GABRA2: variants seen among roughly 807,000 people sequenced by gnomAD.
The protein encoded by GABRA2 is gamma-aminobutyric acid type A receptor subunit alpha2, also known as gamma-aminobutyric acid receptor subunit alpha-2.
In GABRA2, 16 loss-of-function variants were observed where a neutral mutation model predicts 48.7. The ratio of observed to expected loss-of-function variants is 0.33; its 90% CI spans 0.22 to 0.50. GABRA2 has a LOEUF of 0.50. GABRA2 is among the 20% of genes least tolerant of loss of function. The pLI is 0.98. For synonymous variants in GABRA2, 185 were observed against 184.5 expected (o/e 1.00, Z -0.02); for missense variants, 275 against 535.6 (o/e 0.51, Z 4.80).
chr4:46,290,427 A>G (rs938033846), intron 8 of GABRA2, among the ~76,000 whole-genome samples: 1 of 151,634 alleles, frequency 6.6e-6, no homozygotes, highest in Non-Finnish European at 1.5e-5. Flanking sequence ...ATTTAATTAG[A>G]TCTTTTATAT....
At chr4:46,334,005 CA>C (rs1040937958) in intron 3 of GABRA2, among the ~76,000 whole-genome samples, 4 of 152,006 alleles carry the variant, frequency 2.6e-5, no homozygotes, top group African/African-American at 9.7e-5. Context: ...TATAGTGCTC[CA>C]AATAAATATG....
intron 3 of GABRA2, among the ~76,000 whole-genome samples, chr4:46,371,274 C>T (rs1047775689): frequency 6.6e-6 from 1 of 152,042 alleles, no homozygotes; most frequent in African/African-American, 2.4e-5. Context: ...GAACATCATC[C>T]CTTTTATCTC....
intron 7 of GABRA2, among the ~76,000 whole-genome samples, chr4:46,304,165 C>T (rs1726228150): frequency 6.6e-6 from 1 of 152,146 alleles, no homozygotes; most frequent in Non-Finnish European, 1.5e-5. Flanking sequence ...GTTTATTTTA[C>T]TTGGTTAGGC....
intron 3 of GABRA2, among the ~76,000 whole-genome samples, chr4:46,348,030 C>A (rs279825): frequency 0.53 from 81,004 of 151,750 alleles, 21,795 homozygotes; most frequent in South Asian, 0.68. Flanking sequence ...ACCCATCTGA[C>A]AAAGGGCTAA....
chr4:46,337,263 A>G (rs1019530136), intron 3 of GABRA2, among the ~76,000 whole-genome samples: 24 of 152,140 alleles, frequency 1.6e-4, no homozygotes, highest in Admixed American at 4.6e-4. Context: ...ACTCTTTTGT[A>G]ATTTTCAATG....
intron 8 of GABRA2, among the ~76,000 whole-genome samples, chr4:46,299,559 C>T (rs569108716): frequency 1.3e-5 from 2 of 150,746 alleles, no homozygotes; most frequent in South Asian, 4.2e-4. Context: ...AGCATATTTC[C>T]AAGATTGAAA....
chr4:46,275,705 A>G (rs2109430239), intron 8 of GABRA2, among the ~76,000 whole-genome samples: 1 of 152,272 alleles, frequency 6.6e-6, no homozygotes, highest in East Asian at 1.9e-4. Flanking sequence ...TTTCATTGCC[A>G]TAAAATGCAG....
intron 5 of GABRA2, among the ~76,000 whole-genome samples, chr4:46,312,030 C>T (rs779026240): frequency 6.6e-6 from 1 of 152,040 alleles, no homozygotes; most frequent in Non-Finnish European, 1.5e-5. Flanking sequence ...ACCCAGGAAG[C>T]GGAGGTTGAA....
intron 3 of GABRA2, among the ~76,000 whole-genome samples, chr4:46,379,857 T>C (rs1187426040): frequency 1.3e-5 from 2 of 152,138 alleles, no homozygotes; most frequent in African/African-American, 4.8e-5. Context: ...CTCAGCTCAA[T>C]CTCTTCTTTC....
intron 8 of GABRA2, among the ~76,000 whole-genome samples, chr4:46,264,525 G>A (rs1717709008): frequency 6.6e-6 from 1 of 151,884 alleles, no homozygotes; most frequent in African/African-American, 2.4e-5. Context: ...GCATTTCTGG[G>A]ATAAATCCCA....
chr4:46,262,180 G>T, intron 8 of GABRA2, 52 bp from the exon 9 acceptor site: 1 of 1,467,332 alleles, frequency 6.8e-7, no homozygotes, highest in Non-Finnish European at 9.5e-7. Flanking sequence ...TAGCAGGACA[G>T]CATGGGAAGT....
chr4:46,287,908 C>T (rs1384061702), intron 8 of GABRA2, among the ~76,000 whole-genome samples: 2 of 152,100 alleles, frequency 1.3e-5, no homozygotes, highest in Admixed American at 1.3e-4. Flanking sequence ...CTTACAGTTC[C>T]ACTTGGTTGT....
chr4:46,246,654 A>G lies in GABRA2; in HGVS notation c.*3654T>C, dbSNP rs756236383. Among the ~76,000 whole-genome samples the G allele has an allele frequency of 6.6e-6, 1 of 151,298 alleles. No homozygotes were observed. Among genetic ancestry groups the G allele is most frequent in the Non-Finnish European group, 1.5e-5 (1 of 67,472 alleles). ...GATAAAAAATTTGGTCATTGCTTCA[A>G]AAACATGCAGATGAATGTCAGTGTG... On this transcript the variant is annotated 3_prime_UTR_variant, in exon 10 of 10. Transcript: ENST00000381620.
chr4:46,260,386 C>A (rs535015167), intron 9 of GABRA2, among the ~76,000 whole-genome samples: 2 of 151,922 alleles, frequency 1.3e-5, no homozygotes, highest in African/African-American at 2.4e-5. Context: ...GAGGAGTAAG[C>A]TATTGCTTTT....
At chr4:46,315,576 T>C (rs1244883141) in intron 4 of GABRA2, among the ~76,000 whole-genome samples, 1 of 151,934 alleles carries the variant, frequency 6.6e-6, no homozygotes, top group Admixed American at 6.6e-5. Flanking sequence ...CTTGAACACC[T>C]GCAAAAAAAC....
At chr4:46,287,057 C>T (rs79021995) in intron 8 of GABRA2, among the ~76,000 whole-genome samples, 15,550 of 151,686 alleles carry the variant, frequency 0.1, 1,022 homozygotes, top group Middle Eastern at 0.16. Flanking sequence ...TTATTTTTTT[C>T]CTAATAGTTT....
At chr4:46,382,143 T>C (rs1716840427) in intron 3 of GABRA2, among the ~76,000 whole-genome samples, 1 of 151,094 alleles carries the variant, frequency 6.6e-6, no homozygotes, top group Non-Finnish European at 1.5e-5. Flanking sequence ...AATGTGCAAT[T>C]AATGGTAATA....
intron 3 of GABRA2, among the ~76,000 whole-genome samples, chr4:46,345,279 G>T (rs1733953556): frequency 6.6e-6 from 1 of 151,818 alleles, no homozygotes. Context: ...TCTTGGGTAT[G>T]TCTTTATAGC....
intron 3 of GABRA2, among the ~76,000 whole-genome samples, chr4:46,342,233 T>G (rs1266351851): frequency 6.6e-6 from 1 of 152,102 alleles, no homozygotes; most frequent in Non-Finnish European, 1.5e-5. Flanking sequence ...CTCAAATTGT[T>G]GCATGGCTTT....
Sources: allele counts gnomAD v4.1 joint callset (sites outside exome capture counted in the v4.1 genomes callset), GRCh38; gene constraint gnomAD v4.1.1; transcripts MANE v1.5; gene names NCBI Gene and HGNC (gene_info 2026-07-23, HGNC 2026-07-21).